The following NPHP1 variants were observed in gnomAD, a reference collection of about 807,000 sequenced individuals.
NPHP1 encodes nephrocystin 1.
In NPHP1, 70 loss-of-function variants were observed where a neutral mutation model predicts 90.4. The ratio of observed to expected loss-of-function variants is 0.77; its 90% CI spans 0.64 to 0.95. The LOEUF is 0.95. Among genes scored for constraint, NPHP1 ranks in the 40% least tolerant of loss-of-function variants. NPHP1 has a pLI of 0.00. For missense variants in NPHP1, 764 were observed against 795.9 expected (o/e 0.96, Z 0.48); for synonymous variants, 256 against 271.7 (o/e 0.94, Z 0.57).
At chr2:110,184,847 G>C (rs1684171263) in intron 2 of NPHP1, 8 of 703,290 alleles carry the variant, frequency 1.1e-5, no homozygotes, top group African/African-American at 6.9e-5. Flanking sequence ...CCAATTCCGG[G>C]CCCCTGAGCT....
intron 16 of NPHP1, among the ~76,000 whole-genome samples, chr2:110,136,055 G>A (rs1017578209): frequency 1.3e-5 from 2 of 152,144 alleles, no homozygotes; most frequent in Non-Finnish European, 2.9e-5. Context: ...CATATAAACA[G>A]AACCAATGAC....
intron 2 of NPHP1, chr2:110,184,624 T>G: frequency 1.1e-6 from 1 of 939,968 alleles, no homozygotes; most frequent in African/African-American, 1.6e-5. Flanking sequence ...AGCTGGAACA[T>G]CTCTCGCTTC....
intron 14 of NPHP1, 135 bp from the exon 15 acceptor site, chr2:110,144,704 A>T (rs1213958851): frequency 2.9e-6 from 2 of 684,614 alleles, no homozygotes; most frequent in East Asian, 5.5e-5. Context: ...TGAAAAGAAT[A>T]ATTGTTGATC....
At chr2:110,146,496 C>T (rs1323042858) in intron 14 of NPHP1, among the ~76,000 whole-genome samples, 2 of 152,104 alleles carry the variant, frequency 1.3e-5, no homozygotes. Context: ...TAGGAAATTA[C>T]TGAAAGAATA....
rs148112800 is a variant in NPHP1 at position 110,163,086 on chromosome 2, C to T, written c.821G>A (p.Gly274Glu). 2.3e-5 allele frequency: 37 copies of T among 1,613,714 alleles called. No individual in the cohort carries two copies. Among genetic ancestry groups the T allele is most frequent in the Non-Finnish European group, 2.8e-5 (33 of 1,179,654 alleles). Residue 274 changes from glycine (G) to glutamate (E), a missense_variant, in exon 9 of 20, where the codon GGG (glycine) becomes GAG (glutamate). Transcript: ENST00000445609. ...VLTTMGAIPA[G>E]FRPSTLSQLL... is the part of the protein sequence containing the mutation. ...CTGTGAGAGCGTGGAAGGCCTGAAC[C>T]CTGCAGGAATAGCTCCCATCGTAGT...
At chr2:110,170,853 T>A (rs1368306422) in intron 4 of NPHP1, among the ~76,000 whole-genome samples, 1 of 151,876 alleles carries the variant, frequency 6.6e-6, no homozygotes, top group Non-Finnish European at 1.5e-5. Flanking sequence ...GAAAGGAGAT[T>A]TAAGATTAGG....
At chr2:110,164,434 G>A (rs1012501457) in intron 8 of NPHP1, 34 of 757,298 alleles carry the variant, frequency 4.5e-5, no homozygotes, top group Middle Eastern at 2.4e-4. Flanking sequence ...CAGGATCAAT[G>A]AGAATGTTTC....
rs763004817 is a variant in NPHP1, at chr2:110,201,462, T to C, written c.102A>G (p.Lys34=). The change falls in exon 2 of 20, where the codon AAA becomes AAG. Residue 34 remains lysine, a synonymous_variant. Transcript: ENST00000445609. ...GTCTTTTATTGGGTTCTAGAGCTTC[T>C]TTCAGTTGGCTCTCAGAAAGCAAAC... The part of the protein sequence containing the change: ...VDSLLSESQL[K]EALEPNKRQH... 61 of 1,610,800 alleles carry C rather than the reference T, an allele frequency of 3.8e-5. No individual in the cohort carries two copies. In the Admixed American group the frequency reaches 1.0e-3, roughly 26 times the overall value.
chr2:110,162,796 G>C (rs1430557992), intron 9 of NPHP1, among the ~76,000 whole-genome samples: 4 of 152,090 alleles, frequency 2.6e-5, no homozygotes, highest in East Asian at 3.9e-4. Context: ...GGAAAGGGCT[G>C]AAAATTAAAG....
At chr2:110,141,617 A>G (rs1033413457) in intron 16 of NPHP1, among the ~76,000 whole-genome samples, 2 of 152,146 alleles carry the variant, frequency 1.3e-5, no homozygotes, top group Admixed American at 1.3e-4. Flanking sequence ...TCAAGAATAT[A>G]GAGTAACTGG....
intron 2 of NPHP1, among the ~76,000 whole-genome samples, chr2:110,187,024 T>C (rs6707877): frequency 0.31 from 46,945 of 151,928 alleles, 7,808 homozygotes; most frequent in East Asian, 0.55. Flanking sequence ...GCTAAAGCAG[T>C]GTTCAGAGGA....
intron 2 of NPHP1, among the ~76,000 whole-genome samples, chr2:110,194,055 GGAAA>G (rs1405283703): frequency 2.6e-5 from 4 of 151,946 alleles, no homozygotes; most frequent in African/African-American, 9.7e-5. Flanking sequence ...AGAGAAAGCA[GGAAA>G]GAAATAAAAT....
rs758091181 is a variant in NPHP1 at position 110,129,304 on chromosome 2, A to T, written c.1643-45T>A. 3.5e-6 allele frequency: 5 copies of T among 1,415,188 alleles called. No individual in the cohort carries two copies. In the East Asian group the frequency reaches 1.1e-4, roughly 32 times the overall value. The allele number at this position is 1,415,188 out of a possible 1,614,324, so 87.7% of individuals were successfully genotyped here. ...AAAGAATTTTATGCAAACTTCACTC[A>T]ATGGATTTTATTGCAATAGACACAA... On this transcript the variant is annotated intron_variant, in intron 17 of 19. Transcript: ENST00000445609.
chr2:110,202,032 T>TA (rs1685608257), intron 1 of NPHP1, among the ~76,000 whole-genome samples: 1 of 152,172 alleles, frequency 6.6e-6, no homozygotes, highest in South Asian at 2.1e-4. Flanking sequence ...ATAAATGGAC[T>TA]CATACAGTAA....
intron 2 of NPHP1, among the ~76,000 whole-genome samples, chr2:110,189,634 C>T (rs989683365): frequency 7.9e-5 from 12 of 152,104 alleles, no homozygotes; most frequent in Non-Finnish European, 2.9e-5. Context: ...CGGCAGCCTG[C>T]TTTTATTCTT....
At chr2:110,138,091 G>A (rs542893817) in intron 16 of NPHP1, among the ~76,000 whole-genome samples, 40 of 151,546 alleles carry the variant, frequency 2.6e-4, no homozygotes, top group Non-Finnish European at 1.3e-4. Flanking sequence ...ACCAAACACC[G>A]CATGTTCTCA....
intron 16 of NPHP1, among the ~76,000 whole-genome samples, chr2:110,141,805 T>C (rs1056570983): frequency 3.3e-5 from 5 of 151,758 alleles, no homozygotes; most frequent in African/African-American, 7.3e-5. Context: ...ACCCTGTCTC[T>C]ACTAAAAATA....
chr2:110,145,963 C>T (rs1681012844), intron 14 of NPHP1, among the ~76,000 whole-genome samples: 1 of 152,142 alleles, frequency 6.6e-6, no homozygotes, highest in South Asian at 2.1e-4. Context: ...CTAAATTAAT[C>T]CTCACAACAA....
At chr2:110,188,385 A>C (rs888039637) in intron 2 of NPHP1, among the ~76,000 whole-genome samples, 4 of 152,160 alleles carry the variant, frequency 2.6e-5, no homozygotes, top group Non-Finnish European at 5.9e-5. Flanking sequence ...GCAGGCAGAG[A>C]GCTAAATCCT....
Sources: allele counts gnomAD v4.1 joint callset (sites outside exome capture counted in the v4.1 genomes callset), GRCh38; gene constraint gnomAD v4.1.1; transcripts MANE v1.5; gene names NCBI Gene and HGNC (gene_info 2026-07-23, HGNC 2026-07-21).